LRRC4C: variants seen among roughly 807,000 people sequenced by gnomAD.
LRRC4C encodes leucine rich repeat containing 4C.
LRRC4C carries 5 observed loss-of-function variants against 33.6 expected under a neutral mutation model. The ratio of observed to expected loss-of-function variants is 0.15; its 90% CI spans 0.08 to 0.31. The LOEUF is 0.31. LRRC4C is among the 10% of genes least tolerant of loss of function. The pLI is 1.00. For missense variants in LRRC4C, 560 were observed against 796.7 expected (o/e 0.70, Z 3.58); for synonymous variants, 329 against 302.0 (o/e 1.09, Z -0.93).
At chr11:40,616,641 T>G (rs979069884) in intron 3 of LRRC4C, among the ~76,000 whole-genome samples, 26 of 151,842 alleles carry the variant, frequency 1.7e-4, no homozygotes, top group Non-Finnish European at 3.5e-4. Context: ...ACCATCATTC[T>G]CAGCAAACTA....
At chr11:40,560,442 TTGTGTGTGTGTG>T (rs66917448) in intron 3 of LRRC4C, among the ~76,000 whole-genome samples, 2 of 149,316 alleles carry the variant, frequency 1.3e-5, no homozygotes, top group African/African-American at 4.9e-5. Context: ...GTGCCTGTGT[TTGTGTGTGTGTG>T]TGTGTGTGTG....
Position 40,250,801 on chromosome 11 carries a change from A to G in LRRC4C, c.-175-9203T>C, listed in dbSNP as rs762399069. Among the ~76,000 whole-genome samples, 53 of 152,242 alleles carry G rather than the reference A, an allele frequency of 3.5e-4. No individual in the cohort carries two copies. The Middle Eastern group carries it at 0.01, about 29-fold the overall frequency. The stretch of plus-strand genomic sequence containing the variant: ...CAATTATTTTAACTTAACAAAAGTC[A>G]TCTGACATTCCTTATTTCTGTAGAC... On this transcript the variant is annotated intron_variant, in intron 4 of 6. Transcript: ENST00000528697.
At chr11:41,231,510 G>A (rs561044677) in intron 1 of LRRC4C, among the ~76,000 whole-genome samples, 27 of 148,948 alleles carry the variant, frequency 1.8e-4, no homozygotes, top group Non-Finnish European at 2.5e-4. Flanking sequence ...GCAAACTATC[G>A]CAAGGACAAA....
intron 4 of LRRC4C, among the ~76,000 whole-genome samples, chr11:40,302,536 T>C (rs557934445): frequency 6.6e-6 from 1 of 151,874 alleles, no homozygotes; most frequent in South Asian, 2.1e-4. Flanking sequence ...TTTTCTGTCT[T>C]TTTTTTTATT....
chr11:40,171,987 G>A (rs1279651633), intron 5 of LRRC4C, among the ~76,000 whole-genome samples: 4 of 152,044 alleles, frequency 2.6e-5, no homozygotes, highest in South Asian at 2.1e-4. Flanking sequence ...ACTGCACTCC[G>A]GCCTGGGCAA....
intron 3 of LRRC4C, among the ~76,000 whole-genome samples, chr11:40,478,394 G>A (rs548367538): frequency 1.1e-4 from 17 of 152,232 alleles, no homozygotes; most frequent in Admixed American, 5.2e-4. Flanking sequence ...CATGCAGGGT[G>A]GTTTAGGAAG....
intron 1 of LRRC4C, among the ~76,000 whole-genome samples, chr11:41,206,956 T>C (rs1440230587): frequency 6.6e-6 from 1 of 152,180 alleles, no homozygotes; most frequent in Non-Finnish European, 1.5e-5. Flanking sequence ...TAAGTATATA[T>C]GATGCTATAC....
intron 2 of LRRC4C, among the ~76,000 whole-genome samples, chr11:40,843,720 AT>A (rs1400413030): frequency 2.6e-5 from 4 of 152,200 alleles, no homozygotes; most frequent in African/African-American, 9.6e-5. Context: ...GCTAAGCAGT[AT>A]GCTCAAAATT....
chr11:40,886,406 T>TACACACACAC (rs10629266), intron 2 of LRRC4C, among the ~76,000 whole-genome samples: 59,495 of 145,226 alleles, frequency 0.41, 14,202 homozygotes, highest in East Asian at 0.56. Flanking sequence ...TTTCAAATGC[T>TACACACACAC]ACACACACAC....
At chr11:40,652,389 C>A (rs1178896485) in intron 2 of LRRC4C, among the ~76,000 whole-genome samples, 2 of 152,182 alleles carry the variant, frequency 1.3e-5, no homozygotes, top group Non-Finnish European at 2.9e-5. Flanking sequence ...TAACTAAATT[C>A]AGGAAGGAAA....
chr11:40,286,521 C>G (rs1310520227), intron 4 of LRRC4C, among the ~76,000 whole-genome samples: 1 of 152,100 alleles, frequency 6.6e-6, no homozygotes, highest in African/African-American at 2.4e-5. Context: ...ATAACATCAC[C>G]AACTTGGATA....
At chr11:40,539,169 C>T (rs1018763973) in intron 3 of LRRC4C, among the ~76,000 whole-genome samples, 2 of 152,180 alleles carry the variant, frequency 1.3e-5, no homozygotes, top group Non-Finnish European at 2.9e-5. Context: ...GAGCTTTCAG[C>T]AATGACTCAT....
intron 1 of LRRC4C, among the ~76,000 whole-genome samples, chr11:41,225,349 C>A (rs1297596037): frequency 1.3e-5 from 2 of 152,114 alleles, no homozygotes; most frequent in African/African-American, 4.8e-5. Context: ...GTGGATACCC[C>A]ATTTTCCATG....
intron 3 of LRRC4C, among the ~76,000 whole-genome samples, chr11:40,326,112 CTG>C (rs1946089956): frequency 6.7e-6 from 1 of 150,058 alleles, no homozygotes; most frequent in Non-Finnish European, 1.5e-5. Flanking sequence ...GTTATAAAAA[CTG>C]TTGCTTGCTT....
At chr11:40,610,061 G>A (rs773514036) in intron 3 of LRRC4C, among the ~76,000 whole-genome samples, 10 of 151,896 alleles carry the variant, frequency 6.6e-5, no homozygotes, top group African/African-American at 2.4e-4. Flanking sequence ...CATTACCAAA[G>A]TCAGACAAAG....
chr11:40,732,017 C>G (rs1379163769), intron 2 of LRRC4C, among the ~76,000 whole-genome samples: 2 of 151,226 alleles, frequency 1.3e-5, no homozygotes, highest in Non-Finnish European at 2.9e-5. Flanking sequence ...CTAGGAACAC[C>G]TCCTTGCCTG....
At chr11:41,313,529 A>G (rs986635413) in intron 1 of LRRC4C, among the ~76,000 whole-genome samples, 20 of 152,140 alleles carry the variant, frequency 1.3e-4, no homozygotes, top group Non-Finnish European at 2.5e-4. Flanking sequence ...ACAAATGCAT[A>G]TTGAGGGTTG....
chr11:41,359,528 T>C (rs888285811), intron 1 of LRRC4C, among the ~76,000 whole-genome samples: 3 of 152,136 alleles, frequency 2.0e-5, no homozygotes, highest in Admixed American at 2.0e-4. Flanking sequence ...GTTTGTTTTT[T>C]TTGTTTTTGT....
chr11:40,384,008 G>C (rs1949004625), intron 3 of LRRC4C, among the ~76,000 whole-genome samples: 1 of 149,504 alleles, frequency 6.7e-6, no homozygotes, highest in African/African-American at 2.5e-5. Flanking sequence ...TCCTTTATCA[G>C]ATTTACGGTT....
Sources: gnomAD v4.1 joint callset for allele counts (sites outside exome capture counted in the v4.1 genomes callset) on GRCh38, gnomAD v4.1.1 for gene constraint, MANE v1.5 for transcripts, NCBI Gene and HGNC (gene_info 2026-07-23, HGNC 2026-07-21) for gene names.